RARB: variants seen among roughly 807,000 people sequenced by gnomAD.
RARB encodes the protein retinoic acid receptor beta, also known as HBV-activated protein.
Under a neutral mutation model 51.9 loss-of-function variants are expected in RARB, and 17 were observed. The ratio of observed to expected loss-of-function variants is 0.33; its 90% confidence interval spans 0.22 to 0.49. The LOEUF (loss-of-function observed/expected upper bound fraction) is 0.49, where lower values mean the gene tolerates loss of function less well. RARB is among the 20% of genes least tolerant of loss of function. RARB has a pLI of 0.99. For missense variants in RARB, 369 were observed against 550.8 expected (o/e 0.67, Z 3.30); for synonymous variants, 215 against 195.4 (o/e 1.10, Z -0.84).
chr3:25,415,511 A>G (rs1451617439), intron 5 of RARB, among the ~76,000 whole-genome samples: 1 of 152,064 alleles, frequency 6.6e-6, no homozygotes, highest in Non-Finnish European at 1.5e-5. Context: ...TTTTATTTGT[A>G]TGCAATATAT....
intron 3 of RARB, among the ~76,000 whole-genome samples, chr3:25,114,178 T>C (rs1699648420): frequency 6.6e-6 from 1 of 152,186 alleles, no homozygotes; most frequent in Non-Finnish European, 1.5e-5. Context: ...TTAAAGCCTT[T>C]TCTGTTCCAC....
intron 2 of RARB, among the ~76,000 whole-genome samples, chr3:25,024,670 A>C (rs968355516): frequency 2.0e-5 from 3 of 152,166 alleles, no homozygotes; most frequent in African/African-American, 7.2e-5. Flanking sequence ...ATTTAAAAAG[A>C]GCTGGGCACG....
intron 2 of RARB, among the ~76,000 whole-genome samples, chr3:24,939,213 A>G (rs1007135628): frequency 2.0e-5 from 3 of 152,088 alleles, no homozygotes; most frequent in African/African-American, 7.2e-5. Context: ...CAAACTCCTG[A>G]CCTCAAGTGA....
chr3:25,500,592 G>T (rs1021305874), intron 2 of RARB, among the ~76,000 whole-genome samples: 15 of 150,930 alleles, frequency 9.9e-5, no homozygotes, highest in Admixed American at 9.3e-4. Context: ...CAATTCTCCT[G>T]CCTCAGCCTC....
intron 1 of RARB, among the ~76,000 whole-genome samples, chr3:25,454,273 C>CTG (rs1694777041): frequency 6.6e-6 from 1 of 152,214 alleles, no homozygotes; most frequent in Non-Finnish European, 1.5e-5. Context: ...TGTATGTGAG[C>CTG]TGTAGGCTTT....
intron 5 of RARB, among the ~76,000 whole-genome samples, chr3:25,287,556 C>T (rs1045183640): frequency 2.6e-5 from 4 of 152,284 alleles, no homozygotes; most frequent in Admixed American, 6.5e-5. Flanking sequence ...CAGACACTCT[C>T]GGCCTCCTTT....
intron 3 of RARB, among the ~76,000 whole-genome samples, chr3:25,507,483 A>C (rs1328523125): frequency 2.6e-5 from 4 of 152,176 alleles, no homozygotes; most frequent in African/African-American, 4.8e-5. Context: ...TGACATGAGA[A>C]TTGATGCTTT....
intron 2 of RARB, among the ~76,000 whole-genome samples, chr3:25,479,192 G>C (rs142535761): frequency 6.6e-6 from 1 of 151,864 alleles, no homozygotes; most frequent in Admixed American, 6.6e-5. Context: ...GTGAATTTTC[G>C]TGAAGTACAG....
intron 3 of RARB, among the ~76,000 whole-genome samples, chr3:25,524,876 C>T (rs1204415007): frequency 2.0e-5 from 3 of 151,822 alleles, no homozygotes; most frequent in Non-Finnish European, 4.4e-5. Flanking sequence ...ATTACAGGTG[C>T]TCACCATCAC....
rs180701938 is a variant in RARB, at chr3:25,447,885, A to T, written c.158-13308A>T. On this transcript the variant is annotated intron_variant, in intron 1 of 7. Coordinates refer to ENST00000330688, the MANE Select transcript of RARB (RefSeq NM_000965.5). ...GGAAAATGGAAGTGAAGGTCACCAAATCAAGATGGGGAAAGAAGGGAAGGT... is the reference window on the plus strand; with the variant it reads ...GGAAAATGGAAGTGAAGGTCACCAATTCAAGATGGGGAAAGAAGGGAAGGT... Among the ~76,000 whole-genome samples, 5 of 152,276 alleles carry T rather than the reference A, an allele frequency of 3.3e-5. No homozygotes were observed. In the East Asian group the frequency reaches 9.7e-4, roughly 29 times the overall value.
At chr3:24,958,123 G>T (rs1296634616) in intron 2 of RARB, among the ~76,000 whole-genome samples, 4 of 152,062 alleles carry the variant, frequency 2.6e-5, no homozygotes, top group African/African-American at 9.7e-5. Context: ...AGGGCTCTTG[G>T]AGCCCTAGAT....
intron 1 of RARB, among the ~76,000 whole-genome samples, chr3:25,453,880 C>T (rs1265565089): frequency 2.0e-5 from 3 of 152,146 alleles, no homozygotes; most frequent in East Asian, 1.9e-4. Flanking sequence ...ACCCCAAACC[C>T]GGGACTAATC....
chr3:24,962,463 G>C (rs768662915), intron 2 of RARB, among the ~76,000 whole-genome samples: 26 of 152,188 alleles, frequency 1.7e-4, no homozygotes, highest in Non-Finnish European at 3.1e-4. Context: ...AACCATTCTG[G>C]CTTAAAAACT....
chr3:25,398,408 G>C (rs1707175172), intron 5 of RARB, among the ~76,000 whole-genome samples: 1 of 152,158 alleles, frequency 6.6e-6, no homozygotes, highest in Non-Finnish European at 1.5e-5. Flanking sequence ...TAATATATCA[G>C]CTTTCACAAA....
At chr3:25,124,712 A>G (rs1699834917) in intron 3 of RARB, among the ~76,000 whole-genome samples, 1 of 152,200 alleles carries the variant, frequency 6.6e-6, no homozygotes, top group South Asian at 2.1e-4. Flanking sequence ...ACCTGGAGAC[A>G]AGTTGAGATT....
intron 2 of RARB, among the ~76,000 whole-genome samples, chr3:25,033,935 G>A (rs1251196238): frequency 6.6e-6 from 1 of 152,178 alleles, no homozygotes; most frequent in Non-Finnish European, 1.5e-5. Context: ...GAAAGTAGAT[G>A]CTTTAAATGT....
At position 25,129,521 on chromosome 3, in the gene RARB, A is replaced by T. The variant is rs1460208244; in HGVS notation, c.-327-2640A>T. 2.0e-5 allele frequency among the ~76,000 whole-genome samples: 3 copies of T among 152,222 alleles called. No homozygotes were observed. In the East Asian group the frequency reaches 5.8e-4, roughly 29 times the overall value. On this transcript the variant is annotated intron_variant, in intron 3 of 11. Transcript: ENST00000383772. Reference sequence around the variant, plus strand: ...ATTCAATAGCCTCATTTAAACTTACATTTAAACTTACTTTCACTTTAACCC... The same window carrying T: ...ATTCAATAGCCTCATTTAAACTTACTTTTAAACTTACTTTCACTTTAACCC...
At chr3:25,060,956 G>T (rs1223684302) in intron 3 of RARB, among the ~76,000 whole-genome samples, 2 of 151,868 alleles carry the variant, frequency 1.3e-5, no homozygotes, top group African/African-American at 4.8e-5. Context: ...ATTTGTGTAA[G>T]GAAGAAGTGG....
intron 5 of RARB, among the ~76,000 whole-genome samples, chr3:25,394,829 T>C (rs1464565237): frequency 1.3e-5 from 2 of 152,174 alleles, no homozygotes; most frequent in African/African-American, 4.8e-5. Flanking sequence ...CAGCAGATAC[T>C]TGGTTGCTGA....
Sources: gnomAD v4.1 joint callset for allele counts (sites outside exome capture counted in the v4.1 genomes callset) on GRCh38, gnomAD v4.1.1 for gene constraint, MANE v1.5 for transcripts, NCBI Gene and HGNC (gene_info 2026-07-23, HGNC 2026-07-21) for gene names.